CEP20: variants seen among roughly 807,000 people sequenced by gnomAD.
CEP20 encodes centrosomal protein 20.
Under a neutral mutation model 20.0 loss-of-function variants are expected in CEP20, and 18 were observed. The observed-to-expected ratio is 0.90, with a 90% CI of 0.62 to 1.34. CEP20 has a LOEUF of 1.34. Ranked by LOEUF, CEP20 falls within the 40% of genes most tolerant of loss-of-function variation. The probability of loss-of-function intolerance (pLI) is 0.00; values close to 1 mark genes in which losing one functional copy is unlikely to be tolerated. For missense variants in CEP20, 215 were observed against 201.6 expected (o/e 1.07, Z -0.40); for synonymous variants, 77 against 73.7 (o/e 1.04, Z -0.23).
intron 1 of CEP20, among the ~76,000 whole-genome samples, chr16:15,886,437 G>A (rs2045250043): frequency 6.6e-6 from 1 of 152,180 alleles, no homozygotes; most frequent in Admixed American, 6.5e-5. Context: ...AATCATAACT[G>A]AACCCCTATT....
At chr16:15,878,517 G>C (rs917312527) in intron 3 of CEP20, among the ~76,000 whole-genome samples, 1 of 144,532 alleles carries the variant, frequency 6.9e-6, no homozygotes, top group Non-Finnish European at 1.5e-5. Flanking sequence ...TTTTTTTTGA[G>C]ACAGGGTCTG....
chr16:15,882,222 G>A (rs543063649), intron 2 of CEP20, among the ~76,000 whole-genome samples: 7 of 152,322 alleles, frequency 4.6e-5, no homozygotes, highest in African/African-American at 1.7e-4. Context: ...TGCTTGTACA[G>A]TCTGCAGAAC....
At chr16:15,875,520 A>G (rs2044922604) in intron 3 of CEP20, among the ~76,000 whole-genome samples, 1 of 152,120 alleles carries the variant, frequency 6.6e-6, no homozygotes, top group Admixed American at 6.5e-5. Flanking sequence ...AGAAGGTAAT[A>G]TGCACCTGTG....
intron 3 of CEP20, among the ~76,000 whole-genome samples, chr16:15,876,334 G>C (rs2044947029): frequency 6.6e-6 from 1 of 151,994 alleles, no homozygotes; most frequent in Non-Finnish European, 1.5e-5. Flanking sequence ...AATTAGCCAG[G>C]CGTGGTGGCA....
rs1313401827 is a variant in CEP20 at position 15,888,598 on chromosome 16, G to T, written c.-13C>A. On this transcript the variant is annotated 5_prime_UTR_variant, in exon 1 of 5. Transcript: ENST00000255759. ...CCACAGTCGCCATTTTTCAACGGCC[G>T]CCAGGGCCGCACCGCGGCCCTGCGC... 28 of 1,613,938 alleles carry T rather than the reference G, an allele frequency of 1.7e-5. 1 individual carries two copies. The highest frequency in any genetic ancestry group is 2.3e-5 in the Non-Finnish European group (27 of 1,179,936).
intron 3 of CEP20, among the ~76,000 whole-genome samples, chr16:15,875,889 G>C (rs190929273): frequency 6.6e-4 from 100 of 150,800 alleles, no homozygotes; most frequent in African/African-American, 2.3e-3. Flanking sequence ...ACCTGAGGTC[G>C]GGAGTTCAAG....
intron 1 of CEP20, 80 bp downstream of exon 1, chr16:15,888,478 G>C: frequency 1.3e-6 from 2 of 1,582,424 alleles, no homozygotes; most frequent in Admixed American, 3.4e-5. Context: ...TGTGTTCCGC[G>C]CGCTCTCCTC....
intron 3 of CEP20, among the ~76,000 whole-genome samples, chr16:15,874,740 G>T (rs55728945): frequency 6.6e-6 from 1 of 152,002 alleles, no homozygotes; most frequent in African/African-American, 2.4e-5. Context: ...ACAGTACGAC[G>T]CTCCCTTCCA....
chr16:15,876,137 T>G (rs2044940832), intron 3 of CEP20, among the ~76,000 whole-genome samples: 1 of 150,250 alleles, frequency 6.7e-6, no homozygotes, highest in Admixed American at 6.7e-5. Context: ...CCCTGGCACA[T>G]ACATGTAGTA....
intron 3 of CEP20, among the ~76,000 whole-genome samples, chr16:15,877,629 T>C (rs1382200495): frequency 6.6e-6 from 1 of 151,996 alleles, no homozygotes; most frequent in Non-Finnish European, 1.5e-5. Flanking sequence ...TGGCCAGGCA[T>C]GATGGTGCAT....
At chr16:15,873,262 A>G (rs1261384303) in intron 4 of CEP20, among the ~76,000 whole-genome samples, 1 of 152,114 alleles carries the variant, frequency 6.6e-6, no homozygotes, top group Non-Finnish European at 1.5e-5. Context: ...AAATACTTCT[A>G]TAAAGAAATT....
intron 3 of CEP20, among the ~76,000 whole-genome samples, chr16:15,876,107 T>C (rs1316135117): frequency 6.7e-6 from 1 of 149,588 alleles, no homozygotes; most frequent in African/African-American, 2.4e-5. Context: ...AATGTGATTG[T>C]GGAATACTAC....
At chr16:15,876,529 G>A (rs1399581228) in intron 3 of CEP20, among the ~76,000 whole-genome samples, 1 of 151,520 alleles carries the variant, frequency 6.6e-6, no homozygotes, top group African/African-American at 2.4e-5. Flanking sequence ...GCAGCAGCAA[G>A]ATCATGGCTC....
chr16:15,878,753 G>A (rs2045019870), intron 3 of CEP20, among the ~76,000 whole-genome samples: 1 of 152,078 alleles, frequency 6.6e-6, no homozygotes, highest in African/African-American at 2.4e-5. Flanking sequence ...ACTTGCCTCA[G>A]CCTCTGAAGT....
At chr16:15,879,955 G>A (rs1051409614) in intron 2 of CEP20, 67 bp from the exon 3 acceptor site, 1 of 1,100,068 alleles carries the variant, frequency 9.1e-7, no homozygotes, top group Non-Finnish European at 1.3e-6. Context: ...ATTTTGAAAA[G>A]AATCACATTT....
chr16:15,879,964 T>A, intron 2 of CEP20, 76 bp from the exon 3 acceptor site: 1 of 954,558 alleles, frequency 1.0e-6, no homozygotes, highest in Non-Finnish European at 1.6e-6. Context: ...AGAATCACAT[T>A]TACCAGACAT....
At chr16:15,871,946 C>T (rs966448933) in intron 4 of CEP20, among the ~76,000 whole-genome samples, 3 of 151,944 alleles carry the variant, frequency 2.0e-5, no homozygotes, top group South Asian at 2.1e-4. Flanking sequence ...CCTAAAAGTT[C>T]GTGTCAACAT....
intron 3 of CEP20, among the ~76,000 whole-genome samples, chr16:15,875,668 C>T (rs879527602): frequency 3.1e-4 from 47 of 152,182 alleles, no homozygotes; most frequent in Admixed American, 1.8e-3. Flanking sequence ...CTCACAATAA[C>T]TTGCCTGTAA....
intron 2 of CEP20, among the ~76,000 whole-genome samples, chr16:15,882,416 G>A (rs535684706): frequency 6.6e-6 from 1 of 152,202 alleles, no homozygotes; most frequent in South Asian, 2.1e-4. Flanking sequence ...TGTAGTCCCA[G>A]CTACTTGGGA....
Sources: allele counts gnomAD v4.1 joint callset (sites outside exome capture counted in the v4.1 genomes callset), GRCh38; gene constraint gnomAD v4.1.1; transcripts MANE v1.5; gene names NCBI Gene and HGNC (gene_info 2026-07-23, HGNC 2026-07-21).